The following MARK4 variants were observed in gnomAD, a reference collection of about 807,000 sequenced individuals.
MARK4 encodes microtubule affinity regulating kinase 4, also known as MAP/microtubule affinity-regulating kinase 4.
A neutral mutation model predicts 81.5 loss-of-function variants in MARK4; 19 were observed. The ratio of observed to expected loss-of-function variants is 0.23; its 90% CI spans 0.16 to 0.34. The LOEUF is 0.34. Among genes scored for constraint, MARK4 ranks in the 10% least tolerant of loss-of-function variants. MARK4 has a pLI of 1.00. For missense variants in MARK4, 772 were observed against 1,058.8 expected (o/e 0.73, Z 3.76); for synonymous variants, 436 against 439.0 (o/e 0.99, Z 0.08).
At chr19:45,299,540 C>T (rs548008080) in intron 15 of MARK4, among the ~76,000 whole-genome samples, 1 of 152,204 alleles carries the variant, frequency 6.6e-6, no homozygotes, top group South Asian at 2.1e-4. Flanking sequence ...TCTCTGTGGC[C>T]ACTTATCTAT....
chr19:45,263,245 G>T (rs1970403597), intron 3 of MARK4, 74 bp from the exon 4 acceptor site: 9 of 1,613,618 alleles, frequency 5.6e-6, no homozygotes, highest in Middle Eastern at 3.3e-4. Context: ...TTCCTGCGGG[G>T]GCCCGGCTGG....
At position 45,297,679 on chromosome 19, in the gene MARK4, A is replaced by C. The variant is rs765196292; in HGVS notation, c.1602A>C (p.Ser534=). Residue 534 remains serine (S), a synonymous_variant, in exon 15 of 17, where the codon TCA becomes TCC. Coordinates refer to ENST00000262891, the MANE Select transcript of MARK4 (RefSeq NM_001199867.2). Reference sequence around the variant, plus strand: ...ACTTGTCTGTCTCTGCCCACAGCTCAGGCACCCCACGGGTGCCCCCTGCCT... The same window carrying C: ...ACTTGTCTGTCTCTGCCCACAGCTCCGGCACCCCACGGGTGCCCCCTGCCT... ...SLLPNGKENS[S]GTPRVPPASP... 9.9e-6 allele frequency: 15 copies of C among 1,519,794 alleles called. No homozygotes were observed. The African/African-American group carries it at 1.4e-4, about 14-fold the overall frequency. 94.1% of individuals were successfully genotyped at this position (1,519,794 alleles called of 1,614,324 possible).
At chr19:45,276,824 G>A (rs1322822107) in intron 8 of MARK4, among the ~76,000 whole-genome samples, 4 of 147,802 alleles carry the variant, frequency 2.7e-5, no homozygotes, top group African/African-American at 1.1e-4. Context: ...TAGTAGAGAT[G>A]GGGTTTCGCC....
At chr19:45,298,323 G>C in intron 15 of MARK4, 4 of 464,222 alleles carry the variant, frequency 8.6e-6, no homozygotes, top group Non-Finnish European at 9.4e-6. Context: ...GGATGTGAGG[G>C]TCTGTGCGTG....
intron 14 of MARK4, among the ~76,000 whole-genome samples, chr19:45,295,732 T>C (rs1296594702): frequency 6.6e-6 from 1 of 152,104 alleles, no homozygotes; most frequent in Non-Finnish European, 1.5e-5. Context: ...TGAGCTGGGA[T>C]TGCGCCACTG....
At chr19:45,266,183 T>G (rs777472322) in intron 6 of MARK4, 42 bp from the exon 7 acceptor site, 1 of 1,605,254 alleles carries the variant, frequency 6.2e-7, no homozygotes, top group Non-Finnish European at 8.5e-7. Context: ...AGGCTGAGGG[T>G]TTTGGGAGCC....
At chr19:45,260,002 G>T (rs563855270) in intron 2 of MARK4, among the ~76,000 whole-genome samples, 5 of 151,906 alleles carry the variant, frequency 3.3e-5, no homozygotes, top group African/African-American at 7.2e-5. Context: ...CAGGAGAATC[G>T]CTTGAACCCA....
At chr19:45,268,191 A>C (rs1042129230) in intron 7 of MARK4, among the ~76,000 whole-genome samples, 1 of 152,182 alleles carries the variant, frequency 6.6e-6, no homozygotes, top group African/African-American at 2.4e-5. Flanking sequence ...CTATAATCCC[A>C]GCACTTTGGG....
chr19:45,281,371 T>C (rs565651202), intron 12 of MARK4, among the ~76,000 whole-genome samples: 2 of 144,516 alleles, frequency 1.4e-5, no homozygotes, highest in South Asian at 4.5e-4. Context: ...TTCTTTCTTT[T>C]TTTTTTTGAG....
At chr19:45,287,948 TGTGGGAAAGG>T in intron 13 of MARK4, 1 of 472,220 alleles carries the variant, frequency 2.1e-6, no homozygotes. Flanking sequence ...CTTTTAAAAA[TGTGGGAAAGG>T]CCAGGCACAG....
chr19:45,258,985 C>T lies in MARK4; in HGVS notation c.52-4C>T, dbSNP rs1478663556. The stretch of plus-strand genomic sequence containing the variant: ...ATAGCTCATGCTCCATCTCCCCCGC[C>T]CAGCATGGCACCTTGGGCAGTGGCC... On this transcript the variant is annotated splice_polypyrimidine_tract_variant and splice_region_variant and intron_variant, in intron 1 of 16. Coordinates refer to ENST00000262891, the MANE Select transcript of MARK4 (RefSeq NM_001199867.2). 1.2e-6 allele frequency: 2 copies of T among 1,611,644 alleles called. No homozygotes were observed. The highest frequency in any genetic ancestry group is 1.1e-5 in the South Asian group (1 of 90,902).
At position 45,280,650 on chromosome 19, in the gene MARK4, A is replaced by C. The variant is rs1285949131; in HGVS notation, c.1192A>C (p.Ser398Arg). ...GCCCAGCGACACCACCAACGGAACA[A>C]GTTCCAGCAAAGGCACCAGCCACAG... ...RAPSDTTNGTSSSKGTSHSKG... is the reference protein window; with the variant it reads ...RAPSDTTNGTRSSKGTSHSKG... Residue 398 changes from serine (S) to arginine (R), a missense_variant, in exon 12 of 17, where the codon AGT becomes CGT. Physicochemically the swap from Ser to Arg is moderately radical, Grantham distance 110. Transcript: ENST00000262891. 6.2e-7 allele frequency: 1 copy of C among 1,614,134 alleles called. No homozygotes were observed. The highest frequency in any genetic ancestry group is 1.3e-5 in the African/African-American group (1 of 75,046).
chr19:45,297,917 A>G lies in MARK4; in HGVS notation c.1840A>G (p.Asn614Asp). 3 of 1,549,982 alleles carry G rather than the reference A, an allele frequency of 1.9e-6. No homozygotes were observed. The highest frequency in any genetic ancestry group is 2.6e-6 in the Non-Finnish European group (3 of 1,146,586). ...CGCCGGGCGGCCCCGCCCCACCACCAACCTCTTCACCAAGCTGACCTCCAA... is the reference window on the plus strand; with the variant it reads ...CGCCGGGCGGCCCCGCCCCACCACCGACCTCTTCACCAAGCTGACCTCCAA... Reference protein sequence around the residue: ...LPAGRPRPTTNLFTKLTSKLT... With the variant: ...LPAGRPRPTTDLFTKLTSKLT... Residue 614 changes from asparagine (N) to aspartate (D), a missense_variant, in exon 15 of 17, where the codon AAC becomes GAC. By Grantham distance (23) the Asn-to-Asp change is conservative. Transcript: ENST00000262891.
intron 7 of MARK4, among the ~76,000 whole-genome samples, chr19:45,267,144 C>T (rs567946282): frequency 1.1e-4 from 17 of 152,082 alleles, no homozygotes; most frequent in Non-Finnish European, 1.6e-4. Flanking sequence ...CTGCAACCTC[C>T]GCCTCCCGGG....
rs779914177 is a variant in MARK4 at position 45,299,803 on chromosome 19, T to C, written c.1878-8T>C. The C allele has an allele frequency of 7.5e-6, 12 of 1,594,030 alleles. No homozygotes were observed. The highest frequency in any genetic ancestry group is 9.4e-6 in the Non-Finnish European group (11 of 1,166,562). ...GATTAGACACTCTGTCCCCCTCCCC[T>C]CCCCTAGGGTCGCAGACGAACCTGA... On this transcript the variant is annotated splice_polypyrimidine_tract_variant and splice_region_variant and intron_variant, in intron 15 of 16. Transcript: ENST00000262891.
Position 45,302,625 on chromosome 19 carries a change from G to T in MARK4, c.2174G>T (p.Arg725Leu). Residue 725 changes from arginine (R) to leucine (L), a missense_variant, in exon 17 of 17, where the codon CGG (arginine) becomes CTG (leucine). Arg to Leu is a moderately radical substitution (Grantham distance 102). Around this residue, in one of 3 missense-constraint regions of MARK4, gnomAD observed 548 missense variants for 624.3 expected, o/e 0.88. Transcript: ENST00000262891. This position sits in a 1 kb window ranked among gnomAD's most constrained non-coding sequence, Gnocchi z 4.9. ...EVCQLPRPGL[R>L]GVLFRRVAGT... ...TGCCAGCTGCCCCGGCCAGGCTTGC[G>T]GGGAGTTCTCTTCCGCCGTGTGGCG... The T allele has an allele frequency of 6.5e-7, 1 of 1,548,880 alleles. No individual in the cohort carries two copies. Among genetic ancestry groups the T allele is most frequent in the Non-Finnish European group, 8.7e-7 (1 of 1,153,954 alleles).
Position 45,280,487 on chromosome 19 carries a change from AG to A in MARK4, c.1116+9del. 6.2e-7 allele frequency: 1 copy of A among 1,614,146 alleles called. No homozygotes were observed. The highest frequency in any genetic ancestry group is 1.7e-4 in the Middle Eastern group (1 of 6,060). On this transcript the variant is annotated splice_donor_5th_base_variant and intron_variant, in intron 11 of 16. Transcript: ENST00000262891. Reference sequence around the variant, plus strand: ...CCTGCTGGGCAGGAAGACTGAGGTCAGGGGGCGCCAGGGGCCCTTGGGGACG... The same window carrying A: ...CCTGCTGGGCAGGAAGACTGAGGTCAGGGGCGCCAGGGGCCCTTGGGGACG...
At chr19:45,270,028 A>G (rs756162146) in intron 7 of MARK4, among the ~76,000 whole-genome samples, 4 of 152,036 alleles carry the variant, frequency 2.6e-5, no homozygotes, top group African/African-American at 9.7e-5. Flanking sequence ...GGGTTTTACC[A>G]TGTTGCCCAA....
chr19:45,302,630 G>A lies in MARK4; in HGVS notation c.2179G>A (p.Val727Ile), dbSNP rs1345512120. 9.7e-6 allele frequency: 15 copies of A among 1,545,606 alleles called. No individual in the cohort carries two copies. Among genetic ancestry groups the A allele is most frequent in the Admixed American group, 1.9e-5 (1 of 51,394 alleles). ...CQLPRPGLRG[V>I]LFRRVAGTAL... ...GCTGCCCCGGCCAGGCTTGCGGGGA[G>A]TTCTCTTCCGCCGTGTGGCGGGCAC... Residue 727 changes from valine (V) to isoleucine (I), a missense_variant, in exon 17 of 17, where the codon GTT becomes ATT. By Grantham distance (29) the Val-to-Ile change is conservative (BLOSUM62 3). This residue lies in a region of MARK4 where 548 missense variants were observed against 624.3 expected (regional missense o/e 0.88). Coordinates refer to ENST00000262891, the MANE Select transcript of MARK4 (RefSeq NM_001199867.2). This position sits in a 1 kb window ranked among gnomAD's most constrained non-coding sequence, Gnocchi z 4.9.
Sources: gnomAD v4.1 joint callset for allele counts (sites outside exome capture counted in the v4.1 genomes callset) on GRCh38, gnomAD v4.1.1 for gene constraint, gnomAD v4.1.1 regional missense constraint, Gnocchi (gnomAD v3.1) non-coding constraint, MANE v1.5 for transcripts, NCBI Gene and HGNC (gene_info 2026-07-23, HGNC 2026-07-21) for gene names.